Variants in RP1 observed in about 807,000 individuals in gnomAD.
RP1 encodes the protein oxygen-regulated protein 1.
Under a neutral mutation model 14.8 loss-of-function variants are expected in RP1, and 16 were observed. That is an observed-to-expected ratio of 1.08 (90% CI 0.73 to 1.65). The LOEUF (loss-of-function observed/expected upper bound fraction) is 1.65, where lower values mean the gene tolerates loss of function less well. RP1 is among the 40% of genes most tolerant of loss of function. The pLI is 0.00. For synonymous variants in RP1, 876 were observed against 883.6 expected (o/e 0.99, Z 0.15); for missense variants, 2,631 against 2,535.0 (o/e 1.04, Z -0.81).
chr8:54,633,084 A>T (rs552404048), downstream of RP1, among the ~76,000 whole-genome samples: 1 of 152,220 alleles, frequency 6.6e-6, no homozygotes, highest in Non-Finnish European at 1.5e-5. Flanking sequence ...GCATTGGGGC[A>T]GTCTCTGAGC....
chr8:54,829,788 T>C (rs1811475673), intron 24 of RP1, among the ~76,000 whole-genome samples: 1 of 152,158 alleles, frequency 6.6e-6, no homozygotes, highest in Admixed American at 6.5e-5. Context: ...TTTTCCCTTA[T>C]CTGGTGAGAA....
chr8:54,858,706 G>T (rs1261119663), intron 27 of RP1, among the ~76,000 whole-genome samples: 1 of 151,766 alleles, frequency 6.6e-6, no homozygotes, highest in East Asian at 1.9e-4. Context: ...CTGTAAGGTG[G>T]TGTCACTGTG....
At chr8:54,769,084 T>C (rs939028501) in intron 22 of RP1, among the ~76,000 whole-genome samples, 1 of 151,772 alleles carries the variant, frequency 6.6e-6, no homozygotes, top group African/African-American at 2.4e-5. Context: ...TTAGTAGAGA[T>C]GGGCTTTCAC....
At chr8:54,703,419 CT>C (rs1423068496) in intron 14 of RP1, among the ~76,000 whole-genome samples, 1 of 152,144 alleles carries the variant, frequency 6.6e-6, no homozygotes, top group African/African-American at 2.4e-5. Flanking sequence ...TGTTTTTCTT[CT>C]GAGCAGTAGG....
chr8:54,826,934 G>A (rs1452734619), intron 24 of RP1, among the ~76,000 whole-genome samples: 1 of 152,194 alleles, frequency 6.6e-6, no homozygotes, highest in South Asian at 2.1e-4. Context: ...ACTGATTCTA[G>A]GCCTTGAACC....
chr8:54,679,904 A>C, exon 12 of RP1: 1 of 1,536,024 alleles, frequency 6.5e-7, no homozygotes, highest in Non-Finnish European at 8.7e-7. Flanking sequence ...GGCACAGTTG[A>C]CGCCATTGGA....
At chr8:54,746,460 G>A (rs546704689) in intron 19 of RP1, among the ~76,000 whole-genome samples, 23 of 152,132 alleles carry the variant, frequency 1.5e-4, no homozygotes, top group East Asian at 1.4e-3. Context: ...GCTGTCTAGC[G>A]TCCAAAACAC....
At chr8:54,727,026 G>A (rs1051944780) in intron 17 of RP1, among the ~76,000 whole-genome samples, 1 of 151,986 alleles carries the variant, frequency 6.6e-6, no homozygotes, top group Non-Finnish European at 1.5e-5. Flanking sequence ...GTCATCTTTG[G>A]ATAAGATGAA....
chr8:54,846,894 G>A (rs1484734952), intron 25 of RP1, among the ~76,000 whole-genome samples: 1 of 152,186 alleles, frequency 6.6e-6, no homozygotes, highest in African/African-American at 2.4e-5. Context: ...TCACACCACA[G>A]CTCTGGTTTC....
intron 13 of RP1, among the ~76,000 whole-genome samples, chr8:54,700,712 G>A (rs1426829227): frequency 6.6e-6 from 1 of 152,124 alleles, no homozygotes; most frequent in Non-Finnish European, 1.5e-5. Context: ...GCAGTAGGTT[G>A]GTGGGAGATT....
At chr8:54,647,967 G>C (rs1048283007) in intron 3 of RP1, among the ~76,000 whole-genome samples, 1 of 152,096 alleles carries the variant, frequency 6.6e-6, no homozygotes, top group Non-Finnish European at 1.5e-5. Context: ...TCAGGTGGGA[G>C]GTGGTTGGAT....
At chr8:54,864,603 G>C (rs1209026263) in intron 27 of RP1, among the ~76,000 whole-genome samples, 1 of 152,134 alleles carries the variant, frequency 6.6e-6, no homozygotes, top group Non-Finnish European at 1.5e-5. Context: ...CATAGTTTCA[G>C]CTTGCAGTTC....
intron 24 of RP1, among the ~76,000 whole-genome samples, chr8:54,816,146 C>T (rs966398329): frequency 1.3e-5 from 2 of 152,088 alleles, no homozygotes; most frequent in African/African-American, 4.8e-5. Context: ...TATAAACAAT[C>T]CCAATGAGAG....
chr8:54,752,198 A>C (rs1326797745), intron 19 of RP1, among the ~76,000 whole-genome samples: 4 of 152,368 alleles, frequency 2.6e-5, no homozygotes, highest in African/African-American at 4.8e-5. Flanking sequence ...TTCTGGTCCC[A>C]AAAACATCTC....
chr8:54,851,410 A>G (rs1169014660), intron 25 of RP1, among the ~76,000 whole-genome samples: 2 of 152,218 alleles, frequency 1.3e-5, no homozygotes, highest in Non-Finnish European at 2.9e-5. Flanking sequence ...TGAAATTTAA[A>G]AGATTTCTCA....
chr8:54,713,213 A>G (rs1808330456), intron 15 of RP1, among the ~76,000 whole-genome samples: 1 of 152,224 alleles, frequency 6.6e-6, no homozygotes, highest in African/African-American at 2.4e-5. Flanking sequence ...CCTATAACAA[A>G]TATTTCTGTT....
At chr8:54,822,406 C>T (rs1319393774) in intron 24 of RP1, among the ~76,000 whole-genome samples, 1 of 151,962 alleles carries the variant, frequency 6.6e-6, no homozygotes, top group African/African-American at 2.4e-5. Context: ...TCTTTATTAC[C>T]TGGAATATGA....
chr8:54,569,829 G>A (rs187211280), intron 1 of RP1, among the ~76,000 whole-genome samples: 5 of 152,258 alleles, frequency 3.3e-5, no homozygotes, highest in Admixed American at 2.0e-4. Flanking sequence ...CACAGACGAC[G>A]TACCGCATGA....
At chr8:54,566,232 C>T (rs1252642481) in intron 1 of RP1, among the ~76,000 whole-genome samples, 3 of 152,170 alleles carry the variant, frequency 2.0e-5, no homozygotes, top group African/African-American at 4.8e-5. Flanking sequence ...CAACCCTTAA[C>T]ATCTTCCTTT....
Sources: allele counts gnomAD v4.1 joint callset (sites outside exome capture counted in the v4.1 genomes callset), GRCh38; gene constraint gnomAD v4.1.1; transcripts MANE v1.5; gene names NCBI Gene and HGNC (gene_info 2026-07-23, HGNC 2026-07-21).